ZCCHC7: variants seen among roughly 807,000 people sequenced by gnomAD.
ZCCHC7 encodes the protein zinc finger CCHC domain-containing protein 7.
In ZCCHC7, 35 loss-of-function variants were observed where a neutral mutation model predicts 52.0. The observed-to-expected ratio is 0.67, with a 90% CI of 0.51 to 0.89. The LOEUF is 0.89. Among genes scored for constraint, ZCCHC7 ranks in the 40% least tolerant of loss-of-function variants. The pLI, the probability that ZCCHC7 is intolerant of heterozygous loss-of-function variation, is 0.00. For synonymous variants in ZCCHC7, 217 were observed against 221.5 expected (o/e 0.98, Z 0.18); for missense variants, 574 against 649.1 (o/e 0.88, Z 1.26).
chr9:37,347,646 A>C (rs1268075203), intron 6 of ZCCHC7, among the ~76,000 whole-genome samples: 4 of 152,188 alleles, frequency 2.6e-5, no homozygotes, highest in Non-Finnish European at 5.9e-5. Flanking sequence ...AGAAAAAAAA[A>C]ATCCGGGTTA....
intron 2 of ZCCHC7, among the ~76,000 whole-genome samples, chr9:37,218,938 C>T (rs1006800304): frequency 7.0e-6 from 1 of 142,978 alleles, no homozygotes; most frequent in African/African-American, 2.7e-5. Context: ...TTAACTAGAG[C>T]AACATTTTTT....
chr9:37,270,507 A>G (rs906468763), intron 2 of ZCCHC7, among the ~76,000 whole-genome samples: 5 of 152,050 alleles, frequency 3.3e-5, no homozygotes, highest in East Asian at 1.9e-4. Flanking sequence ...CCTGGCCAAC[A>G]TGGTGAAACC....
Position 37,259,836 on chromosome 9 carries a change from C to A in ZCCHC7, c.611-42352C>A, listed in dbSNP as rs73646343. On this transcript the variant is annotated intron_variant, in intron 2 of 8. Transcript: ENST00000336755. ...TCTGTTTGTGCATCCTACCTCATATCTTCAGGTATGAAGATATGGAAACAT... is the reference window on the plus strand; with the variant it reads ...TCTGTTTGTGCATCCTACCTCATATATTCAGGTATGAAGATATGGAAACAT... 5.4e-3 allele frequency among the ~76,000 whole-genome samples: 827 copies of A among 152,242 alleles called. 5 individuals are homozygous for A. The highest frequency in any genetic ancestry group is 0.019 in the African/African-American group (780 of 41,528).
At chr9:37,129,518 A>G (rs930936616) in intron 2 of ZCCHC7, among the ~76,000 whole-genome samples, 13 of 152,210 alleles carry the variant, frequency 8.5e-5, no homozygotes, top group African/African-American at 3.1e-4. Flanking sequence ...TGTAATCACT[A>G]TCCCTCTCAT....
chr9:37,293,897 C>T (rs1185020335), intron 2 of ZCCHC7, among the ~76,000 whole-genome samples: 1 of 152,066 alleles, frequency 6.6e-6, no homozygotes, highest in Non-Finnish European at 1.5e-5. Flanking sequence ...CCTCTTTCTT[C>T]TTCCTCCTCT....
chr9:37,318,895 A>T (rs1057418545), intron 5 of ZCCHC7, among the ~76,000 whole-genome samples: 1 of 150,686 alleles, frequency 6.6e-6, no homozygotes, highest in Non-Finnish European at 1.5e-5. Context: ...GTGAGCCAAG[A>T]TCGCATCACT....
At chr9:37,236,477 C>T (rs1041812044) in intron 2 of ZCCHC7, among the ~76,000 whole-genome samples, 12 of 151,860 alleles carry the variant, frequency 7.9e-5, no homozygotes, top group African/African-American at 2.2e-4. Context: ...CTGCAAGCTC[C>T]GCCTCCTGCG....
chr9:37,314,357 CAG>C (rs199728932), intron 5 of ZCCHC7, among the ~76,000 whole-genome samples: 7,700 of 152,158 alleles, frequency 0.051, 635 homozygotes, highest in African/African-American at 0.17. Flanking sequence ...TGGGAAGACA[CAG>C]GTCTCTGATG....
intron 2 of ZCCHC7, among the ~76,000 whole-genome samples, chr9:37,268,692 C>T (rs1329041961): frequency 2.0e-5 from 3 of 152,198 alleles, no homozygotes; most frequent in Non-Finnish European, 2.9e-5. Flanking sequence ...TCCCAAAGTG[C>T]TGGGATTACA....
intron 5 of ZCCHC7, among the ~76,000 whole-genome samples, chr9:37,310,690 ACTTT>A (rs1829551485): frequency 3.3e-5 from 5 of 152,170 alleles, no homozygotes; most frequent in Admixed American, 3.3e-4. Flanking sequence ...GGATCTCTCA[ACTTT>A]CTTTCTTAAA....
chr9:37,355,193 C>T (rs986033211), intron 8 of ZCCHC7, among the ~76,000 whole-genome samples: 12 of 152,028 alleles, frequency 7.9e-5, no homozygotes, highest in Non-Finnish European at 1.5e-4. Flanking sequence ...GAAAGGCTTT[C>T]CTGCTAAGTT....
intron 5 of ZCCHC7, among the ~76,000 whole-genome samples, chr9:37,313,524 A>G (rs1000194186): frequency 6.6e-6 from 1 of 152,332 alleles, no homozygotes; most frequent in Non-Finnish European, 1.5e-5. Flanking sequence ...ATTATGTTCT[A>G]CATTTTAAAC....
intron 2 of ZCCHC7, among the ~76,000 whole-genome samples, chr9:37,152,648 G>A (rs1820595050): frequency 1.3e-5 from 2 of 152,148 alleles, no homozygotes; most frequent in Non-Finnish European, 2.9e-5. Context: ...TAGACTGCAT[G>A]TATGGGTTTT....
intron 6 of ZCCHC7, among the ~76,000 whole-genome samples, chr9:37,334,831 T>C (rs996448465): frequency 2.0e-5 from 3 of 152,092 alleles, no homozygotes; most frequent in African/African-American, 4.8e-5. Flanking sequence ...GTTTAATATC[T>C]TTGGGATTAA....
chr9:37,318,825 A>T (rs993077577), intron 5 of ZCCHC7, among the ~76,000 whole-genome samples: 4 of 152,000 alleles, frequency 2.6e-5, no homozygotes, highest in African/African-American at 9.7e-5. Context: ...AGGCAGGAGA[A>T]TCTGAAGTGG....
chr9:37,230,479 C>A (rs1825345457), intron 2 of ZCCHC7, among the ~76,000 whole-genome samples: 2 of 151,990 alleles, frequency 1.3e-5, no homozygotes, highest in South Asian at 4.2e-4. Flanking sequence ...CAAGATCTCA[C>A]TTTTGTTGGG....
At chr9:37,260,566 G>T (rs1396449705) in intron 2 of ZCCHC7, among the ~76,000 whole-genome samples, 1 of 152,140 alleles carries the variant, frequency 6.6e-6, no homozygotes, top group Non-Finnish European at 1.5e-5. Flanking sequence ...TACATACCTG[G>T]TAAGCTTACT....
intron 6 of ZCCHC7, among the ~76,000 whole-genome samples, chr9:37,333,289 A>G (rs1830521164): frequency 6.6e-6 from 1 of 151,690 alleles, no homozygotes; most frequent in Admixed American, 6.6e-5. Flanking sequence ...CATCTTCTAA[A>G]TATCTTTAAT....
At position 37,305,707 on chromosome 9, in the gene ZCCHC7, A is replaced by G. The variant is rs1404947031; in HGVS notation, c.944A>G (p.Tyr315Cys). The G allele has an allele frequency of 1.9e-6, 3 of 1,613,910 alleles. No individual in the cohort carries two copies. The highest frequency in any genetic ancestry group is 1.1e-5 in the South Asian group (1 of 91,082). The change falls in exon 5 of 9, where the codon TAT becomes TGT. Residue 315 changes from tyrosine to cysteine, a missense_variant. By Grantham distance (194) the Tyr-to-Cys change is radical. Transcript: ENST00000336755. ...QCDRCHMLGH[Y>C]TDACTEIWRQ... ...GACCGATGTCATATGCTAGGCCACT[A>G]TACAGATGTGAGTATCCTGCATATA...
Sources: allele counts gnomAD v4.1 joint callset (sites outside exome capture counted in the v4.1 genomes callset), GRCh38; gene constraint gnomAD v4.1.1; transcripts MANE v1.5; gene names NCBI Gene and HGNC (gene_info 2026-07-23, HGNC 2026-07-21).